TMPRSS15: variants seen among roughly 807,000 people sequenced by gnomAD.
TMPRSS15 encodes the protein enteropeptidase.
TMPRSS15 carries 128 observed loss-of-function variants against 125.3 expected under a neutral mutation model. The ratio of observed to expected loss-of-function variants is 1.02; its 90% CI spans 0.89 to 1.18. The LOEUF (loss-of-function observed/expected upper bound fraction) is 1.18, where lower values mean the gene tolerates loss of function less well. Ranked by LOEUF, TMPRSS15 falls within the 50% of genes most tolerant of loss-of-function variation. The pLI is 0.00. For missense variants in TMPRSS15, 1,283 were observed against 1,212.7 expected, an observed-to-expected ratio of 1.06 and a Z score of -0.86; for synonymous variants, 446 against 423.2, an observed-to-expected ratio of 1.05 and a Z score of -0.66.
Position 18,435,645 on chromosome 21 carries a change from T to A in TMPRSS15, c.11-37316A>T, listed in dbSNP as rs2076226132. On this transcript the variant is annotated intron_variant, in intron 1 of 7. Transcript: ENST00000422787. The stretch of plus-strand genomic sequence containing the variant: ...TGGTATCAGGATGATGCTGGCCTCA[T>A]AAAATGAGTTAGGGAGGATCCCCTC... Among the ~76,000 whole-genome samples the A allele has an allele frequency of 2.6e-5, 4 of 152,196 alleles. No homozygotes were observed. The South Asian group carries it at 8.3e-4, about 32-fold the overall frequency.
chr21:18,387,550 G>C, intron 3 of TMPRSS15, among the ~76,000 whole-genome samples: 1 of 151,438 alleles, frequency 6.6e-6, no homozygotes, highest in East Asian at 1.9e-4. Flanking sequence ...ATGAATGAAA[G>C]TATTCCCCAA....
chr21:18,460,454 T>C (rs1425209579), intron 1 of TMPRSS15: 1 of 152,216 alleles, frequency 6.6e-6, no homozygotes, highest in Non-Finnish European at 1.5e-5. Context: ...CTTAATATTT[T>C]ACCTAAGTTA....
At chr21:18,350,299 G>A (rs2075552819) in intron 10 of TMPRSS15, among the ~76,000 whole-genome samples, 1 of 151,964 alleles carries the variant, frequency 6.6e-6, no homozygotes, top group African/African-American at 2.4e-5. Context: ...AACTTTTTTT[G>A]TCTTACGGGG....
intron 3 of TMPRSS15, 62 bp from the exon 4 acceptor site, chr21:18,383,840 A>G: frequency 6.4e-7 from 1 of 1,562,286 alleles, no homozygotes; most frequent in South Asian, 1.1e-5. Flanking sequence ...TTTGTGTTCA[A>G]TTCATGTTAA....
intron 1 of TMPRSS15, among the ~76,000 whole-genome samples, chr21:18,420,793 G>A (rs903176179): frequency 2.0e-5 from 3 of 152,190 alleles, no homozygotes; most frequent in African/African-American, 7.2e-5. Context: ...AGGTATCACT[G>A]CACTGAGTCA....
Position 18,280,571 on chromosome 21 carries a change from G to A in TMPRSS15, c.2668+469C>T, listed in dbSNP as rs574928053. Among the ~76,000 whole-genome samples the A allele has an allele frequency of 1.7e-3, 145 of 87,278 alleles. 1 individual carries two copies. Among genetic ancestry groups the A allele is most frequent in the African/African-American group, 0.013 (133 of 10,206 alleles). 57.3% of individuals were successfully genotyped at this position (87,278 alleles called of 152,430 possible). On this transcript the variant is annotated intron_variant, in intron 22 of 24. Transcript: ENST00000284885. ...AGCCTGGGCAACAGAGCGAGACTCC[G>A]TCTCAAAAAAAAAAAAAAAAAAAAC...
intron 10 of TMPRSS15, among the ~76,000 whole-genome samples, chr21:18,350,758 A>G (rs2075560230): frequency 6.6e-6 from 1 of 151,472 alleles, no homozygotes; most frequent in Non-Finnish European, 1.5e-5. Flanking sequence ...TTATATATAT[A>G]CATATATATA....
intron 1 of TMPRSS15, among the ~76,000 whole-genome samples, chr21:18,466,198 T>G (rs1021236490): frequency 1.3e-5 from 2 of 152,180 alleles, no homozygotes; most frequent in Non-Finnish European, 2.9e-5. Flanking sequence ...TTGGGAAAAC[T>G]GGCTAGCCAT....
chr21:18,364,965 T>A (rs950627990), intron 7 of TMPRSS15, among the ~76,000 whole-genome samples, 175 bp downstream of exon 7: 13 of 152,196 alleles, frequency 8.5e-5, no homozygotes, highest in African/African-American at 2.7e-4. Flanking sequence ...CAGAATAGCT[T>A]TTTAAAAGGT....
chr21:18,419,675 A>G (rs1311862667), intron 1 of TMPRSS15, among the ~76,000 whole-genome samples: 2 of 152,114 alleles, frequency 1.3e-5, no homozygotes, highest in African/African-American at 2.4e-5. Flanking sequence ...GTTTTATTTG[A>G]CTTTGACACC....
intron 13 of TMPRSS15, among the ~76,000 whole-genome samples, chr21:18,338,596 T>C (rs1199689601): frequency 1.3e-5 from 2 of 152,132 alleles, no homozygotes; most frequent in Non-Finnish European, 2.9e-5. Context: ...GGGTATTTTT[T>C]CCTACACCCA....
At chr21:18,402,635 C>T (rs1006325878) in intron 1 of TMPRSS15, among the ~76,000 whole-genome samples, 2 of 150,796 alleles carry the variant, frequency 1.3e-5, no homozygotes, top group African/African-American at 2.4e-5. Flanking sequence ...ACTGTTAATA[C>T]GTAGGTTATT....
At chr21:18,459,670 G>C (rs1978515168) in intron 1 of TMPRSS15, among the ~76,000 whole-genome samples, 1 of 151,910 alleles carries the variant, frequency 6.6e-6, no homozygotes, top group African/African-American at 2.4e-5. Flanking sequence ...CATAATTTTT[G>C]GTCTTATTCT....
chr21:18,282,700 G>A (rs60152541), intron 21 of TMPRSS15, among the ~76,000 whole-genome samples: 6,058 of 152,190 alleles, frequency 0.04, 329 homozygotes, highest in African/African-American at 0.12. Context: ...GTGCAATACC[G>A]AGAACTTTTG....
At chr21:18,353,959 G>A in intron 8 of TMPRSS15, 96 bp from the exon 9 acceptor site, 1 of 1,182,668 alleles carries the variant, frequency 8.5e-7, no homozygotes, top group Non-Finnish European at 1.2e-6. Flanking sequence ...CAGTTTGTCA[G>A]TTGATCTATA....
At chr21:18,307,906 A>G (rs1253351030) in intron 18 of TMPRSS15, among the ~76,000 whole-genome samples, 1 of 152,204 alleles carries the variant, frequency 6.6e-6, no homozygotes, top group African/African-American at 2.4e-5. Context: ...TTCACAAACC[A>G]CAATAGAAAG....
chr21:18,273,803 A>G (rs1200552496), intron 24 of TMPRSS15, among the ~76,000 whole-genome samples: 1 of 152,226 alleles, frequency 6.6e-6, no homozygotes, highest in Admixed American at 6.5e-5. Flanking sequence ...AAACAAGAAA[A>G]AAGCCATCCT....
chr21:18,346,604 A>G (rs2075511473), intron 10 of TMPRSS15, among the ~76,000 whole-genome samples: 2 of 152,286 alleles, frequency 1.3e-5, no homozygotes, highest in South Asian at 4.1e-4. Context: ...TTAGCTGTAC[A>G]TTCAGTTGCT....
intron 3 of TMPRSS15, among the ~76,000 whole-genome samples, chr21:18,387,469 A>T (rs1801946110): frequency 6.6e-6 from 1 of 152,194 alleles, no homozygotes; most frequent in South Asian, 2.1e-4. Context: ...GTTGCCACAA[A>T]GGGTAAATAG....
Sources: allele counts gnomAD v4.1 joint callset (sites outside exome capture counted in the v4.1 genomes callset), GRCh38; gene constraint gnomAD v4.1.1; transcripts MANE v1.5; gene names NCBI Gene and HGNC (gene_info 2026-07-23, HGNC 2026-07-21).